The following TNXB variants were observed in gnomAD, a reference collection of about 807,000 sequenced individuals.
The protein encoded by TNXB is tenascin XB, also known as tenascin-X.
In TNXB, 183 loss-of-function variants were observed where a neutral mutation model predicts 340.5. That is an observed-to-expected ratio of 0.54 (90% CI 0.48 to 0.61). The LOEUF is 0.61. Among genes scored for constraint, TNXB ranks in the 20% least tolerant of loss-of-function variants. The probability of loss-of-function intolerance (pLI) is 0.00; values close to 1 mark genes in which losing one functional copy is unlikely to be tolerated. For missense variants in TNXB, 4,613 were observed against 5,446.4 expected, an observed-to-expected ratio of 0.85 and a Z score of 4.82; for synonymous variants, 2,121 against 2,314.5, an observed-to-expected ratio of 0.92 and a Z score of 2.40.
rs1780432829 is a variant in TNXB, at chr6:32,096,941, C to G, written c.912G>C (p.Glu304Asp). The change falls in exon 3 of 44, where the codon GAG (glutamate) becomes GAC (aspartate). Residue 304 changes from glutamate (E) to aspartate (D), a missense_variant. Physicochemically the swap from Glu to Asp is conservative, Grantham distance 45. Transcript: ENST00000644971. The stretch of plus-strand genomic sequence containing the variant: ...GAGGGCAGCTCCTCACCCCACAGTC[C>G]TCGCCAGTGTAGCCGGGGTTACACA... ...RCVCNPGYTG[E>D]DCGVRSCPRG... 3 of 1,592,698 alleles carry G rather than the reference C, an allele frequency of 1.9e-6. No homozygotes were observed. Among genetic ancestry groups the G allele is most frequent in the Non-Finnish European group, 2.6e-6 (3 of 1,163,062 alleles).
Position 32,072,684 on chromosome 6 carries a change from T to C in TNXB, c.4682-386A>G, listed in dbSNP as rs1582417413. Among the ~76,000 whole-genome samples the C allele has an allele frequency of 3.3e-5, 5 of 152,324 alleles. No individual in the cohort carries two copies. The East Asian group carries it at 9.6e-4, about 29-fold the overall frequency. On this transcript the variant is annotated intron_variant, in intron 12 of 43. Coordinates refer to ENST00000644971, the MANE Select transcript of TNXB (RefSeq NM_001365276.2). The surrounding 1 kb of genome is among the most constrained non-coding windows in gnomAD (Gnocchi z 4.4). ...GTAACTTTGGATTTTTAAGAAATAT[T>C]TTGGGCCGGGTGCAGTGGCTCATGC...
intron 23 of TNXB, 101 bp from the exon 24 acceptor site, chr6:32,056,275 G>A (rs560342675): frequency 5.0e-6 from 7 of 1,391,796 alleles, no homozygotes; most frequent in Admixed American, 2.5e-5. Context: ...GGGTATGTGA[G>A]GTCATTTCAG....
In TNXB at chr6:32,064,862, C is replaced by T; in HGVS notation, c.6800G>A (p.Gly2267Asp). 1.9e-6 allele frequency: 3 copies of T among 1,611,706 alleles called. No individual in the cohort carries two copies. The highest frequency in any genetic ancestry group is 2.5e-6 in the Non-Finnish European group (3 of 1,179,538). Residue 2267 changes from glycine (G) to aspartate (D), a missense_variant, in exon 19 of 44, where the codon GGT becomes GAT. Gly to Asp is a moderately conservative substitution (Grantham distance 94). Coordinates refer to ENST00000644971, the MANE Select transcript of TNXB (RefSeq NM_001365276.2). The surrounding 1 kb of genome is among the most constrained non-coding windows in gnomAD (Gnocchi z 5.3). The part of the protein sequence containing the change: ...KYKMNLYGFH[G>D]GQRVGPVSAV... Reference sequence around the variant, plus strand: ...AGACACGGGGCCCACGCGCTGGCCACCGTGGAAGCCGTACAGGTTCATCTT... The same window carrying T: ...AGACACGGGGCCCACGCGCTGGCCATCGTGGAAGCCGTACAGGTTCATCTT...
At chr6:32,105,367 A>C (rs1181796362) in intron 1 of TNXB, among the ~76,000 whole-genome samples, 1 of 152,204 alleles carries the variant, frequency 6.6e-6, no homozygotes, top group Non-Finnish European at 1.5e-5. Context: ...ATTTGCAATC[A>C]TATATAAACA....
intron 35 of TNXB, 23 bp downstream of exon 35, chr6:32,043,726 C>T (rs752130038): frequency 8.1e-5 from 130 of 1,613,406 alleles, no homozygotes; most frequent in Non-Finnish European, 1.1e-4. Context: ...CCACCTCTTG[C>T]CCCGGGTCCC....
rs41270454 is a variant in TNXB at position 32,052,795 on chromosome 6, C to T, written c.8990G>A (p.Arg2997His). 639 of 1,613,826 alleles carry T rather than the reference C, an allele frequency of 4.0e-4. 1 individual carries two copies. The highest frequency in any genetic ancestry group is 5.0e-4 in the Non-Finnish European group (586 of 1,179,892). ...KDRDGRPQVV[R>H]VRGEESEVTV... ...GACCTCGCTCTCCTCGCCCCTGACA[C>T]GCACCACCTGGGGCCGCCCGTCCCT... The change falls in exon 26 of 44, where the codon CGT (arginine) becomes CAT (histidine). Residue 2997 changes from arginine to histidine, a missense_variant. Physicochemically the swap from Arg to His is conservative, Grantham distance 29. Transcript: ENST00000644971. The surrounding 1 kb of genome is among the most constrained non-coding windows in gnomAD (Gnocchi z 4.7).
intron 13 of TNXB, among the ~76,000 whole-genome samples, chr6:32,071,578 CTTT>C (rs10694435): frequency 7.1e-6 from 1 of 139,948 alleles, no homozygotes; most frequent in Non-Finnish European, 1.5e-5. Flanking sequence ...GCTTTTCTTT[CTTT>C]TTTTTTTTTT....
chr6:32,105,487 T>A (rs1204256365), intron 1 of TNXB, among the ~76,000 whole-genome samples: 1 of 152,238 alleles, frequency 6.6e-6, no homozygotes, highest in Non-Finnish European at 1.5e-5. Flanking sequence ...CACCTATTTT[T>A]TTTTCTTGGC....
intron 3 of TNXB, 97 bp from the exon 4 acceptor site, chr6:32,095,288 T>C: frequency 2.2e-6 from 2 of 917,108 alleles, no homozygotes; most frequent in East Asian, 5.3e-5. Context: ...AGGCCCATCC[T>C]AACTCCCACT....
rs1050623420 is a variant in TNXB at position 32,061,022 on chromosome 6, T to G, written c.7492+375A>C. ...AGTGGCGGCATAATAGCTCTTTTTA[T>G]AGATGTTGCCTAAATTATTTAGTCA... On this transcript the variant is annotated intron_variant, in intron 21 of 43. Coordinates refer to ENST00000644971, the MANE Select transcript of TNXB (RefSeq NM_001365276.2). The surrounding 1 kb of genome is among the most constrained non-coding windows in gnomAD (Gnocchi z 4.4). Among the ~76,000 whole-genome samples the G allele has an allele frequency of 3.3e-5, 5 of 151,994 alleles. No homozygotes were observed. The highest frequency in any genetic ancestry group is 7.3e-5 in the Non-Finnish European group (5 of 68,050).
chr6:32,061,779 G>T lies in TNXB; in HGVS notation c.7169-59C>A. ...TCCCTGGGGGATGTGCTTACGTCGT[G>T]GGGAAAAGGAGGGAGAAGGCTATGA... On this transcript the variant is annotated intron_variant, in intron 20 of 43. Transcript: ENST00000644971. The surrounding 1 kb of genome is among the most constrained non-coding windows in gnomAD (Gnocchi z 4.4). The T allele has an allele frequency of 6.3e-7, 1 of 1,576,824 alleles. No individual in the cohort carries two copies. The highest frequency in any genetic ancestry group is 8.6e-7 in the Non-Finnish European group (1 of 1,158,578).
intron 11 of TNXB, among the ~76,000 whole-genome samples, chr6:32,077,651 G>A (rs1340305832): frequency 2.0e-5 from 3 of 152,230 alleles, no homozygotes; most frequent in African/African-American, 4.8e-5. Flanking sequence ...GGTGGTGGAT[G>A]TGGCCCTGTA....
rs201904621 is a variant in TNXB at position 32,061,562 on chromosome 6, C to T, written c.7327G>A (p.Val2443Met). The T allele has an allele frequency of 5.6e-6, 9 of 1,613,450 alleles. No homozygotes were observed. The highest frequency in any genetic ancestry group is 3.4e-4 in the Middle Eastern group (2 of 5,928). ...VPQGRFDSFTVQYKDRDGRPQ... is the reference protein window; with the variant it reads ...VPQGRFDSFTMQYKDRDGRPQ... ...CGCCCGTCCCTGTCCTTGTACTGCACGGTGAAGGAGTCGAAGCGGCCCTGG... is the reference window on the plus strand; with the variant it reads ...CGCCCGTCCCTGTCCTTGTACTGCATGGTGAAGGAGTCGAAGCGGCCCTGG... Residue 2443 changes from valine (V) to methionine (M), a missense_variant, in exon 21 of 44, where the codon GTG (valine) becomes ATG (methionine). Around this residue, in one of 7 missense-constraint regions of TNXB, gnomAD observed 4,327 missense variants for 4,859.4 expected, o/e 0.89. Coordinates refer to ENST00000644971, the MANE Select transcript of TNXB (RefSeq NM_001365276.2). The surrounding 1 kb of genome is among the most constrained non-coding windows in gnomAD (Gnocchi z 4.4).
Position 32,098,078 on chromosome 6 carries a change from G to A in TNXB, c.121C>T (p.Pro41Ser), listed in dbSNP as rs1780515011. The A allele has an allele frequency of 1.2e-6, 2 of 1,605,688 alleles. No individual in the cohort carries two copies. The highest frequency in any genetic ancestry group is 2.7e-5 in the African/African-American group (2 of 74,928). The change falls in exon 2 of 44, where the codon CCC becomes TCC. Residue 41 changes from proline (P) to serine (S), a missense_variant. Physicochemically the swap from Pro to Ser is moderately conservative, Grantham distance 74. Coordinates refer to ENST00000644971, the MANE Select transcript of TNXB (RefSeq NM_001365276.2). ...NVTLPAPRPP[P>S]QPGGHTVGAG... ...CCCACTGTGTGGCCCCCTGGCTGGG[G>A]AGGGGGCCGGGGGGCTGGCAGTGTC...
rs534213145 is a variant in TNXB, at chr6:32,062,214, G to A, written c.7111C>T (p.Leu2371=). ...CGCTGGCCACCGTGGAAGCCGTACA[G>A]GTTCATCTTGTACTTGTTGTCTGGC... ...LEPDNKYKMN[L]YGFHGGQRVG... Residue 2371 remains leucine (L), a synonymous_variant, in exon 20 of 44, where the codon CTG becomes TTG. Transcript: ENST00000644971. This position sits in a 1 kb window ranked among gnomAD's most constrained non-coding sequence, Gnocchi z 4.3. 6.2e-7 allele frequency: 1 copy of A among 1,613,236 alleles called. No individual in the cohort carries two copies. The highest frequency in any genetic ancestry group is 1.3e-5 in the African/African-American group (1 of 75,058).
rs928329205 is a variant in TNXB, at chr6:32,052,571, G to A, written c.9115+99C>T. ...TCTCCAGGCATTTGGATACACAAAG[G>A]AAGGAATACTCTTCAGAGTATGTTT... On this transcript the variant is annotated intron_variant, in intron 26 of 43. Transcript: ENST00000644971. The surrounding 1 kb of genome is among the most constrained non-coding windows in gnomAD (Gnocchi z 4.7). The A allele has an allele frequency of 6.7e-7, 1 of 1,482,174 alleles. No individual in the cohort carries two copies. 91.8% of individuals were successfully genotyped at this position (1,482,174 alleles called of 1,614,324 possible). A position where few individuals can be genotyped will look rare whatever the true frequency, so the allele number is the denominator to read the frequency against.
At chr6:32,043,727 C>T (rs1395298909) in intron 35 of TNXB, 22 bp downstream of exon 35, 3 of 1,613,572 alleles carry the variant, frequency 1.9e-6, no homozygotes, top group Non-Finnish European at 2.5e-6. Flanking sequence ...CACCTCTTGC[C>T]CCGGGTCCCA....
Position 32,061,667 on chromosome 6 carries a change from G to A in TNXB, c.7222C>T (p.Pro2408Ser), listed in dbSNP as rs752885123. The A allele has an allele frequency of 6.2e-7, 1 of 1,612,716 alleles. No individual in the cohort carries two copies. The highest frequency in any genetic ancestry group is 1.3e-5 in the African/African-American group (1 of 75,014). ...TCCCCCAGGAGCGGCTCCTCAGGGG[G>A]CTCCGGGGCCTCCATGCTGGGTTCT... is the stretch of plus-strand genomic sequence containing the variant. Reference protein sequence around the residue: ...PTEPSMEAPEPPEEPLLGELT... With the variant: ...PTEPSMEAPESPEEPLLGELT... The change falls in exon 21 of 44, where the codon CCC becomes TCC. Residue 2408 changes from proline to serine, a missense_variant. Transcript: ENST00000644971. This position sits in a 1 kb window ranked among gnomAD's most constrained non-coding sequence, Gnocchi z 4.4.
At chr6:32,050,390 A>G (rs1236587433) in intron 26 of TNXB, 69 bp from the exon 27 acceptor site, 1 of 1,573,636 alleles carries the variant, frequency 6.4e-7, no homozygotes, top group Non-Finnish European at 8.7e-7. Context: ...GATGTGTCAC[A>G]AAACACAAAG....
Sources: allele counts gnomAD v4.1 joint callset (sites outside exome capture counted in the v4.1 genomes callset), GRCh38; gene constraint gnomAD v4.1.1; regional missense constraint gnomAD v4.1.1; non-coding constraint Gnocchi (gnomAD v3.1); transcripts MANE v1.5; gene names NCBI Gene and HGNC (gene_info 2026-07-23, HGNC 2026-07-21).